DMD: variants seen among roughly 807,000 people sequenced by gnomAD.
The protein encoded by DMD is mutant dystrophin.
Under a neutral mutation model 330.1 loss-of-function variants are expected in DMD, and 63 were observed. The observed-to-expected ratio is 0.19, with a 90% confidence interval of 0.16 to 0.24. DMD has a LOEUF of 0.24. Ranked by LOEUF, DMD falls within the 10% of genes least tolerant of loss-of-function variation. The pLI is 1.00. For missense variants in DMD, 3,344 were observed against 2,684.1 expected, an observed-to-expected ratio of 1.25 and a Z score of -5.43; for synonymous variants, 1,223 against 959.8, an observed-to-expected ratio of 1.27 and a Z score of -5.07.
intron 2 of DMD, among the ~76,000 whole-genome samples, chrX:32,944,009 C>A (rs1366001487): frequency 1.8e-5 from 2 of 111,165 alleles, no homozygotes; most frequent in East Asian, 2.8e-4. Flanking sequence ...ATCCACTCCA[C>A]TCCAACCCCC....
intron 43 of DMD, among the ~76,000 whole-genome samples, chrX:32,232,314 A>C (rs1024433913): frequency 1.8e-5 from 2 of 111,852 alleles, no homozygotes; most frequent in Admixed American, 1.9e-4. Context: ...ATTTTTGATA[A>C]ATTTGTTAAA....
intron 62 of DMD, among the ~76,000 whole-genome samples, chrX:31,275,198 TTC>T (rs1171648348): frequency 9.6e-6 from 1 of 104,157 alleles, no homozygotes; most frequent in East Asian, 3.1e-4. Context: ...TGTGTGTGTG[TTC>T]TTTTTGCTAG....
intron 2 of DMD, among the ~76,000 whole-genome samples, chrX:32,965,519 TG>T (rs1202930463): frequency 1.3e-5 from 1 of 78,568 alleles, no homozygotes; most frequent in Admixed American, 1.4e-4. Flanking sequence ...AGAAGTGGGG[TG>T]GGGGGGTTAC....
At chrX:32,077,757 A>G (rs975400479) in intron 44 of DMD, among the ~76,000 whole-genome samples, 1 of 111,656 alleles carries the variant, frequency 9.0e-6, no homozygotes, top group African/African-American at 3.3e-5. Flanking sequence ...GCTCTTGTCC[A>G]GATCACCAAA....
intron 43 of DMD, among the ~76,000 whole-genome samples, chrX:32,249,861 A>T (rs2097256544): frequency 9.0e-6 from 1 of 111,718 alleles, no homozygotes; most frequent in Non-Finnish European, 1.9e-5. Flanking sequence ...GTCCTCAGAG[A>T]TGCTTCCTTG....
At chrX:33,277,566 C>T (rs958633746) in intron 1 of DMD, among the ~76,000 whole-genome samples, 1 of 110,712 alleles carries the variant, frequency 9.0e-6, no homozygotes, top group Non-Finnish European at 1.9e-5. Context: ...CTGGAAATTT[C>T]TTTCACAACG....
intron 7 of DMD, among the ~76,000 whole-genome samples, chrX:32,725,311 C>T (rs1191087387): frequency 9.0e-6 from 1 of 110,659 alleles, no homozygotes; most frequent in African/African-American, 3.3e-5. Context: ...GAAATTTTAT[C>T]TATAATATTG....
At chrX:32,415,597 T>C (rs1011107908) in intron 29 of DMD, among the ~76,000 whole-genome samples, 1 of 112,469 alleles carries the variant, frequency 8.9e-6, no homozygotes, top group Non-Finnish European at 1.9e-5. Context: ...AACCATAATC[T>C]GATTTTTTGT....
intron 74 of DMD, among the ~76,000 whole-genome samples, chrX:31,150,604 T>C (rs1460478827): frequency 1.8e-5 from 2 of 112,340 alleles, no homozygotes; most frequent in Admixed American, 9.4e-5. Flanking sequence ...GGGAGATCTA[T>C]ATCAATGAGA....
intron 1 of DMD, among the ~76,000 whole-genome samples, chrX:33,247,360 C>T (rs974931925): frequency 9.0e-6 from 1 of 111,236 alleles, no homozygotes; most frequent in African/African-American, 3.3e-5. Context: ...TTCAATTTGC[C>T]TATTGAAAAT....
intron 9 of DMD, among the ~76,000 whole-genome samples, chrX:32,663,422 A>T (rs1175591707): frequency 1.8e-5 from 2 of 112,043 alleles, no homozygotes; most frequent in Non-Finnish European, 3.8e-5. Context: ...TCAAATAGAT[A>T]ATTTTTTACA....
Position 32,545,243 on chromosome X carries a change from A to G in DMD, c.2084T>C (p.Leu695Pro). Residue 695 changes from leucine (L) to proline (P), a missense_variant, in exon 17 of 79, where the codon CTG (leucine) becomes CCG (proline). Coordinates refer to ENST00000357033, the MANE Select transcript of DMD (RefSeq NM_004006.3). ...VTTVTTREQI[L>P]VKHAQEELPP... ...AAGTTCCTCTTGAGCATGCTTTACC[A>G]GGATCTGTTCCCTTGTGGTCACCGT... The G allele has an allele frequency of 1.7e-6, 2 of 1,210,305 alleles. No individual in the cohort carries two copies. Among genetic ancestry groups the G allele is most frequent in the South Asian group, 1.8e-5 (1 of 56,960 alleles).
At chrX:32,525,639 A>T (rs2046872021) in intron 17 of DMD, among the ~76,000 whole-genome samples, 1 of 111,020 alleles carries the variant, frequency 9.0e-6, no homozygotes, top group South Asian at 3.8e-4. Context: ...GTTTTCATGT[A>T]TTTCACTGCT....
At chrX:31,749,531 T>C (rs2088266322) in intron 51 of DMD, among the ~76,000 whole-genome samples, 1 of 108,801 alleles carries the variant, frequency 9.2e-6, no homozygotes, top group African/African-American at 3.3e-5. Context: ...ATTTTCTTAA[T>C]CCAGTCTATC....
Position 33,033,554 on chromosome X carries a change from C to CAAAAAAAAAAAAAAAA in DMD, c.32-13355_32-13354insTTTTTTTTTTTTTTTT, listed in dbSNP as rs775790760. Among the ~76,000 whole-genome samples, 19 of 74,509 alleles carry CAAAAAAAAAAAAAAAA rather than the reference C, an allele frequency of 2.6e-4. 1 individual carries two copies. The highest frequency in any genetic ancestry group is 9.5e-4 in the African/African-American group (17 of 17,803). The allele number at this position is 74,509 out of a possible 115,157, so 64.7% of individuals were successfully genotyped here. On this transcript the variant is annotated intron_variant, in intron 1 of 78. Transcript: ENST00000357033. ...TGAAACCCCGTCTCTACTAAAAATA[C>CAAAAAAAAAAAAAAAA]AAAAAAAAAAAAAAACTAGCCGGGC...
intron 20 of DMD, among the ~76,000 whole-genome samples, chrX:32,487,467 T>C (rs1228974016): frequency 1.8e-5 from 2 of 111,313 alleles, no homozygotes; most frequent in Non-Finnish European, 3.8e-5. Flanking sequence ...GAAAGAATTA[T>C]ACCAATTCTG....
chrX:31,210,002 C>T (rs1303739599), intron 64 of DMD, among the ~76,000 whole-genome samples: 1 of 110,829 alleles, frequency 9.0e-6, no homozygotes, highest in Admixed American at 9.6e-5. Context: ...GGGACCTAGC[C>T]TGTTCTACAT....
At chrX:31,337,649 G>C (rs778363316) in intron 61 of DMD, among the ~76,000 whole-genome samples, 6 of 112,126 alleles carry the variant, frequency 5.4e-5, no homozygotes, top group Non-Finnish European at 9.4e-5. Context: ...ATTCACAAAT[G>C]CCTTCATTTT....
chrX:32,573,569 T>A lies in DMD; in HGVS notation c.1773A>T (p.Lys591Asn). 1.7e-6 allele frequency: 2 copies of A among 1,212,051 alleles called. No homozygotes were observed. The highest frequency in any genetic ancestry group is 2.2e-6 in the Non-Finnish European group (2 of 895,501). ...AVNKIHTTGF[K>N]DQNEMLSSLQ... ...GACTTGATAACATTTCATTTTGATCTTTAAAGCCAGTTGTGTGAATCTTGT... is the reference window on the plus strand; with the variant it reads ...GACTTGATAACATTTCATTTTGATCATTAAAGCCAGTTGTGTGAATCTTGT... Residue 591 changes from lysine (K) to asparagine (N), a missense_variant, in exon 15 of 79, where the codon AAA (lysine) becomes AAT (asparagine). Physicochemically the swap from Lys to Asn is moderately conservative, Grantham distance 94 (BLOSUM62 0). Transcript: ENST00000357033.
Sources: allele counts gnomAD v4.1 joint callset (sites outside exome capture counted in the v4.1 genomes callset), GRCh38; gene constraint gnomAD v4.1.1; transcripts MANE v1.5; gene names NCBI Gene and HGNC (gene_info 2026-07-23, HGNC 2026-07-21).